The following MYPN variants were observed in gnomAD, a reference collection of about 807,000 sequenced individuals.
The protein encoded by MYPN is myopalladin.
A neutral mutation model predicts 129.4 loss-of-function variants in MYPN; 63 were observed. The ratio of observed to expected loss-of-function variants is 0.49; its 90% CI spans 0.40 to 0.60. MYPN has a LOEUF of 0.60. Among genes scored for constraint, MYPN ranks in the 20% least tolerant of loss-of-function variants. The pLI, the probability that MYPN is intolerant of heterozygous loss-of-function variation, is 0.00. For synonymous variants in MYPN, 629 were observed against 600.9 expected, an observed-to-expected ratio of 1.05 and a Z score of -0.68; for missense variants, 1,596 against 1,635.4, an observed-to-expected ratio of 0.98 and a Z score of 0.42.
At position 68,165,730 on chromosome 10, in the gene MYPN, G is replaced by T. The variant is rs935247269; in HGVS notation, c.1512G>T (p.Glu504Asp). ...PEEICTLVIA[E>D]VFAEDSGCFT... is the part of the protein sequence containing the mutation. ...AGATTTGCACCTTGGTCATTGCTGA[G>T]GTGTTTGCAGAAGATTCTGGGTGCT... is the stretch of plus-strand genomic sequence containing the variant. The change falls in exon 9 of 20, where the codon GAG becomes GAT. Residue 504 changes from glutamate to aspartate, a missense_variant. Glu to Asp is a conservative substitution (Grantham distance 45). Coordinates refer to ENST00000358913, the MANE Select transcript of MYPN (RefSeq NM_032578.4). 9 of 1,614,034 alleles carry T rather than the reference G, an allele frequency of 5.6e-6. No individual in the cohort carries two copies. The highest frequency in any genetic ancestry group is 2.7e-5 in the African/African-American group (2 of 74,932).
At chr10:68,152,561 C>G (rs559676982) in intron 6 of MYPN, among the ~76,000 whole-genome samples, 22 of 152,236 alleles carry the variant, frequency 1.4e-4, no homozygotes, top group Non-Finnish European at 3.1e-4. Flanking sequence ...GATAGGAGTC[C>G]ATAGAGGCAA....
At chr10:68,165,900 G>A in intron 9 of MYPN, 82 bp downstream of exon 9, 3 of 1,154,614 alleles carry the variant, frequency 2.6e-6, no homozygotes, top group East Asian at 4.7e-5. Flanking sequence ...ATTCCTTCCT[G>A]TTTTTCATAC....
At chr10:68,200,793 AGCAT>A (rs1372578706) in intron 17 of MYPN, among the ~76,000 whole-genome samples, 3 of 151,828 alleles carry the variant, frequency 2.0e-5, no homozygotes, top group Admixed American at 6.6e-5. Flanking sequence ...GGGTGGCTTC[AGCAT>A]GCTAATCCTC....
chr10:68,163,532 GGC>G (rs2043010559), intron 8 of MYPN, among the ~76,000 whole-genome samples: 1 of 152,080 alleles, frequency 6.6e-6, no homozygotes, highest in African/African-American at 2.4e-5. Context: ...GGGAGGCTGA[GGC>G]GAGAGAATGG....
At chr10:68,099,050 G>C (rs2041970329) in intron 1 of MYPN, among the ~76,000 whole-genome samples, 1 of 152,096 alleles carries the variant, frequency 6.6e-6, no homozygotes, top group African/African-American at 2.4e-5. Flanking sequence ...TTACTGTTTA[G>C]AGACATAAAA....
At position 68,194,363 on chromosome 10, in the gene MYPN, G is replaced by A. The variant is rs943422668; in HGVS notation, c.2926G>A (p.Val976Ile). ...ACATCTTGATAATTTTTCATTTCAG[G>A]TTTACTGGTTCAAAGATGGGAAGCA... ...CKIVGIPVPK[V>I]YWFKDGKQIS... Residue 976 changes from valine to isoleucine, a missense_variant and splice_region_variant, in exon 14 of 20, where the codon GTT (valine) becomes ATT (isoleucine). Physicochemically the swap from Val to Ile is conservative, Grantham distance 29. Transcript: ENST00000358913. 1 of 1,612,744 alleles carries A rather than the reference G, an allele frequency of 6.2e-7. No individual in the cohort carries two copies. The highest frequency in any genetic ancestry group is 8.5e-7 in the Non-Finnish European group (1 of 1,179,268).
chr10:68,200,698 C>T (rs951698736), intron 17 of MYPN, among the ~76,000 whole-genome samples: 44 of 151,906 alleles, frequency 2.9e-4, no homozygotes, highest in African/African-American at 1.1e-3. Context: ...GTGGAGGTTG[C>T]AGTCAGCCAA....
At chr10:68,167,983 G>A (rs541859634) in intron 10 of MYPN, among the ~76,000 whole-genome samples, 4 of 152,204 alleles carry the variant, frequency 2.6e-5, no homozygotes, top group Non-Finnish European at 4.4e-5. Flanking sequence ...TCACAGGTCA[G>A]TCCAGCCTCT....
At position 68,192,721 on chromosome 10, in the gene MYPN, A is replaced by G. The variant is rs547032648; in HGVS notation, c.2926-1642A>G. ...TATTGGTCTGGTCTGCTAGTTTTCTATTTCTTTGTAGTTTAGTCTTGGTAG... is the reference window on the plus strand; with the variant it reads ...TATTGGTCTGGTCTGCTAGTTTTCTGTTTCTTTGTAGTTTAGTCTTGGTAG... On this transcript the variant is annotated intron_variant, in intron 13 of 19. Coordinates refer to ENST00000358913, the MANE Select transcript of MYPN (RefSeq NM_032578.4). Among the ~76,000 whole-genome samples, 174 of 145,746 alleles carry G rather than the reference A, an allele frequency of 1.2e-3. 1 individual carries two copies. Among genetic ancestry groups the G allele is most frequent in the African/African-American group, 4.2e-3 (168 of 39,598 alleles).
chr10:68,096,269 G>A (rs2041956051), intron 1 of MYPN, among the ~76,000 whole-genome samples: 1 of 152,176 alleles, frequency 6.6e-6, no homozygotes, highest in Non-Finnish European at 1.5e-5. Flanking sequence ...TGTTCTTTCT[G>A]TATGTCAGTT....
chr10:68,199,887 C>T (rs1186055177), intron 17 of MYPN, among the ~76,000 whole-genome samples: 1 of 152,228 alleles, frequency 6.6e-6, no homozygotes, highest in Non-Finnish European at 1.5e-5. Flanking sequence ...ATTCCTGGAA[C>T]ATACTAGGCT....
At chr10:68,115,545 A>G (rs1249397933) in intron 1 of MYPN, among the ~76,000 whole-genome samples, 13 of 152,212 alleles carry the variant, frequency 8.5e-5, no homozygotes. Flanking sequence ...TCATTGGTCC[A>G]AGCCACCATC....
chr10:68,149,257 C>T (rs2042724584), intron 5 of MYPN, among the ~76,000 whole-genome samples: 1 of 152,102 alleles, frequency 6.6e-6, no homozygotes. Flanking sequence ...AAGTAAAAAG[C>T]TTAGTCAAGA....
In MYPN at chr10:68,189,092, T is replaced by C; in HGVS notation, c.2891T>C (p.Phe964Ser). 1 of 1,614,110 alleles carries C rather than the reference T, an allele frequency of 6.2e-7. No homozygotes were observed. The highest frequency in any genetic ancestry group is 8.5e-7 in the Non-Finnish European group (1 of 1,179,994). Residue 964 changes from phenylalanine (F) to serine (S), a missense_variant, in exon 13 of 20, where the codon TTC becomes TCC. Physicochemically the swap from Phe to Ser is radical, Grantham distance 155. Transcript: ENST00000358913. ...FRVTEGSPVTFTCKIVGIPVP... is the reference protein window; with the variant it reads ...FRVTEGSPVTSTCKIVGIPVP... ...GTCACAGAAGGCTCTCCAGTTACAT[T>C]CACCTGCAAAATTGTTGGGATACCT...
intron 12 of MYPN, 41 bp from the exon 13 acceptor site, chr10:68,188,864 C>T (rs1480869632): frequency 3.2e-6 from 5 of 1,553,768 alleles, no homozygotes; most frequent in Non-Finnish European, 4.4e-6. Context: ...CATGTTCTTC[C>T]TTGCCATATG....
intron 1 of MYPN, among the ~76,000 whole-genome samples, chr10:68,097,350 G>T (rs1213174937): frequency 6.6e-6 from 1 of 152,186 alleles, no homozygotes; most frequent in East Asian, 1.9e-4. Flanking sequence ...AACTGCTGCT[G>T]TGTCTGACTC....
At chr10:68,102,693 T>C (rs939039219), upstream of MYPN, among the ~76,000 whole-genome samples, 2 of 152,210 alleles carry the variant, frequency 1.3e-5, no homozygotes, top group Non-Finnish European at 2.9e-5. Flanking sequence ...GGTGAACTGC[T>C]CTTTACTTAT....
At chr10:68,126,583 G>A (rs956765160) in intron 2 of MYPN, among the ~76,000 whole-genome samples, 3 of 152,180 alleles carry the variant, frequency 2.0e-5, no homozygotes, top group African/African-American at 7.2e-5. Context: ...GAACGAGGAG[G>A]AAGGATGTCA....
chr10:68,153,269 G>A (rs1242901925), intron 6 of MYPN, among the ~76,000 whole-genome samples: 1 of 152,170 alleles, frequency 6.6e-6, no homozygotes, highest in East Asian at 1.9e-4. Flanking sequence ...ACAGGCGTGA[G>A]CCACGGTGCC....
Sources: allele counts gnomAD v4.1 joint callset (sites outside exome capture counted in the v4.1 genomes callset), GRCh38; gene constraint gnomAD v4.1.1; transcripts MANE v1.5; gene names NCBI Gene and HGNC (gene_info 2026-07-23, HGNC 2026-07-21).